The following AUTS2 variants were observed in gnomAD, a reference collection of about 807,000 sequenced individuals.
AUTS2 encodes the protein activator of transcription and developmental regulator AUTS2, also known as autism susceptibility gene 2 protein.
Under a neutral mutation model 112.4 loss-of-function variants are expected in AUTS2, and 17 were observed. The observed-to-expected ratio is 0.15, with a 90% CI of 0.10 to 0.23. The LOEUF is 0.23. AUTS2 is among the 10% of genes least tolerant of loss of function. The pLI is 1.00. For synonymous variants in AUTS2, 751 were observed against 702.7 expected (o/e 1.07, Z -1.09); for missense variants, 1,510 against 1,701.6 (o/e 0.89, Z 1.98).
Position 70,228,087 on chromosome 7 carries a change from C to T in AUTS2, c.660+93516C>T, listed in dbSNP as rs139852752. On this transcript the variant is annotated intron_variant, in intron 4 of 18. Coordinates refer to ENST00000342771, the MANE Select transcript of AUTS2 (RefSeq NM_015570.4). The stretch of plus-strand genomic sequence containing the variant: ...CCGTTAGATTTTGCTCCATCTGTTT[C>T]GGGGTTTGTAGTTAGGTATATCCAT... Among the ~76,000 whole-genome samples, 236 of 149,802 alleles carry T rather than the reference C, an allele frequency of 1.6e-3. 3 individuals carry two copies. The East Asian group carries it at 0.025, about 16-fold the overall frequency.
chr7:70,546,817 A>G (rs1800807271), intron 5 of AUTS2, among the ~76,000 whole-genome samples: 1 of 151,956 alleles, frequency 6.6e-6, no homozygotes, highest in South Asian at 2.1e-4. Flanking sequence ...AGGTACAGCC[A>G]GAGAGAGCCA....
chr7:70,672,967 A>G (rs977941481), intron 5 of AUTS2, among the ~76,000 whole-genome samples: 11 of 152,336 alleles, frequency 7.2e-5, no homozygotes, highest in Admixed American at 7.2e-4. Context: ...TACAGCATTC[A>G]TAGAAGAATA....
At chr7:69,674,507 A>T (rs964353694) in intron 1 of AUTS2, among the ~76,000 whole-genome samples, 1 of 145,998 alleles carries the variant, frequency 6.8e-6, no homozygotes, top group Non-Finnish European at 1.5e-5. Flanking sequence ...TATTTAGAGC[A>T]GTGCCTGAGA....
intron 1 of AUTS2, among the ~76,000 whole-genome samples, chr7:69,786,418 A>AT (rs1348664919): frequency 6.6e-6 from 1 of 152,246 alleles, no homozygotes; most frequent in Non-Finnish European, 1.5e-5. Flanking sequence ...AAATGGACCA[A>AT]TAGCACTGTG....
chr7:70,634,439 C>T lies in AUTS2; in HGVS notation c.691-64130C>T, dbSNP rs539274127. 6.6e-5 allele frequency among the ~76,000 whole-genome samples: 10 copies of T among 152,302 alleles called. No individual in the cohort carries two copies. In the East Asian group the frequency reaches 1.4e-3, roughly 21 times the overall value. On this transcript the variant is annotated intron_variant, in intron 5 of 18. Transcript: ENST00000342771. ...CACCTTTCATCCCCCATTTGCTGTTCGGCGGGCCTAGCCTTGGAAATGACC... is the reference window on the plus strand; with the variant it reads ...CACCTTTCATCCCCCATTTGCTGTTTGGCGGGCCTAGCCTTGGAAATGACC...
intron 5 of AUTS2, among the ~76,000 whole-genome samples, chr7:70,558,744 T>G (rs1468572809): frequency 6.6e-6 from 1 of 152,368 alleles, no homozygotes; most frequent in East Asian, 1.9e-4. Context: ...CTATTTCCTT[T>G]CTAGGTTGTC....
At chr7:70,504,720 C>T (rs1345107649) in intron 5 of AUTS2, among the ~76,000 whole-genome samples, 4 of 152,126 alleles carry the variant, frequency 2.6e-5, no homozygotes, top group African/African-American at 9.7e-5. Flanking sequence ...TTGGTATCCA[C>T]GTTTCTGTAA....
At chr7:70,054,734 T>C (rs1442064496) in intron 2 of AUTS2, among the ~76,000 whole-genome samples, 2 of 152,164 alleles carry the variant, frequency 1.3e-5, no homozygotes, top group Non-Finnish European at 2.9e-5. Flanking sequence ...TATTACATAA[T>C]CCTAGGCTCC....
rs1291901580 is a variant in AUTS2, at chr7:69,864,712, C to T, written c.310-34574C>T. Among the ~76,000 whole-genome samples the T allele has an allele frequency of 2.6e-5, 4 of 152,280 alleles. 1 individual carries two copies. The highest frequency in any genetic ancestry group is 4.1e-4 in the South Asian group (2 of 4,822). On this transcript the variant is annotated intron_variant, in intron 1 of 18. Coordinates refer to ENST00000342771, the MANE Select transcript of AUTS2 (RefSeq NM_015570.4). ...TATTTGAAATAATGACTCTTAAAAT[C>T]GGATAACAGAAGCATTAATGCCAGG...
chr7:70,391,887 G>A (rs1282247561), intron 4 of AUTS2, among the ~76,000 whole-genome samples: 2 of 152,074 alleles, frequency 1.3e-5, no homozygotes, highest in African/African-American at 2.4e-5. Context: ...TTCTTTTCCA[G>A]TATTTATTTT....
intron 4 of AUTS2, among the ~76,000 whole-genome samples, chr7:70,304,857 T>C (rs1432866257): frequency 6.6e-6 from 1 of 151,744 alleles, no homozygotes; most frequent in Admixed American, 6.6e-5. Flanking sequence ...TCTATTTCAG[T>C]AGAATTTATT....
At position 70,360,422 on chromosome 7, in the gene AUTS2, G is replaced by A. The variant is rs554471616; in HGVS notation, c.661-75330G>A. Among the ~76,000 whole-genome samples, 8 of 152,328 alleles carry A rather than the reference G, an allele frequency of 5.3e-5. 1 individual carries two copies. In the South Asian group the frequency reaches 1.7e-3, roughly 32 times the overall value. ...CCCAAAGTGCTGGGACTTGAGGCAT[G>A]AGCCACTAAGCTCGGCCTAAGCAAG... On this transcript the variant is annotated intron_variant, in intron 4 of 18. Coordinates refer to ENST00000342771, the MANE Select transcript of AUTS2 (RefSeq NM_015570.4).
intron 4 of AUTS2, among the ~76,000 whole-genome samples, chr7:70,231,432 G>A (rs1043415421): frequency 6.6e-6 from 1 of 151,962 alleles, no homozygotes; most frequent in African/African-American, 2.4e-5. Context: ...TAATCTGTGT[G>A]GTTTTTTTGT....
intron 2 of AUTS2, among the ~76,000 whole-genome samples, chr7:69,991,450 A>G (rs1197978633): frequency 6.6e-6 from 1 of 152,050 alleles, no homozygotes; most frequent in Non-Finnish European, 1.5e-5. Flanking sequence ...CTGTGCGAAA[A>G]CCCATCTGAG....
intron 5 of AUTS2, among the ~76,000 whole-genome samples, chr7:70,576,192 CT>C (rs1802157627): frequency 6.6e-6 from 1 of 152,158 alleles, no homozygotes; most frequent in South Asian, 2.1e-4. Flanking sequence ...CTGGGCAGGA[CT>C]GTGAGTGAGC....
intron 4 of AUTS2, among the ~76,000 whole-genome samples, chr7:70,368,724 G>C (rs1468748295): frequency 4.6e-5 from 7 of 152,088 alleles, no homozygotes; most frequent in Admixed American, 6.5e-5. Flanking sequence ...CCTGGAATTG[G>C]GGAAGCACAG....
chr7:69,818,294 G>C (rs1562904134), intron 1 of AUTS2, among the ~76,000 whole-genome samples: 1 of 152,144 alleles, frequency 6.6e-6, no homozygotes, highest in African/African-American at 2.4e-5. Flanking sequence ...GCAGATTTTT[G>C]TGCAGCTGCC....
Position 69,910,445 on chromosome 7 carries a change from A to G in AUTS2, c.522+10947A>G, listed in dbSNP as rs1465870842. ...ATATTAGTTCTTTTCCACGCTGCCAATAGACACATACCCAAGACTGGGCAA... is the reference window on the plus strand; with the variant it reads ...ATATTAGTTCTTTTCCACGCTGCCAGTAGACACATACCCAAGACTGGGCAA... On this transcript the variant is annotated intron_variant, in intron 2 of 18. Transcript: ENST00000342771. 3.9e-5 allele frequency among the ~76,000 whole-genome samples: 6 copies of G among 152,262 alleles called. 1 individual carries two copies. Among genetic ancestry groups the G allele is most frequent in the African/African-American group, 4.8e-5 (2 of 41,544 alleles).
chr7:70,120,840 G>A (rs1329026812), intron 3 of AUTS2, among the ~76,000 whole-genome samples: 7 of 152,104 alleles, frequency 4.6e-5, no homozygotes, highest in Non-Finnish European at 8.8e-5. Flanking sequence ...TGCAAAAATG[G>A]AAAAGCAGAT....
Sources: allele counts gnomAD v4.1 joint callset (sites outside exome capture counted in the v4.1 genomes callset), GRCh38; gene constraint gnomAD v4.1.1; transcripts MANE v1.5; gene names NCBI Gene and HGNC (gene_info 2026-07-23, HGNC 2026-07-21).